TRAPPC9: variants seen among roughly 807,000 people sequenced by gnomAD.
The protein encoded by TRAPPC9 is trafficking protein particle complex subunit 9, also known as IKK2 binding protein.
TRAPPC9 carries 83 observed loss-of-function variants against 124.0 expected under a neutral mutation model. That is an observed-to-expected ratio of 0.67 (90% CI 0.56 to 0.80). The LOEUF (loss-of-function observed/expected upper bound fraction) is 0.80, where lower values mean the gene tolerates loss of function less well. Ranked by LOEUF, TRAPPC9 falls within the 30% of genes least tolerant of loss-of-function variation. The pLI, the probability that TRAPPC9 is intolerant of heterozygous loss-of-function variation, is 0.00. For synonymous variants in TRAPPC9, 638 were observed against 617.5 expected (o/e 1.03, Z -0.49); for missense variants, 1,302 against 1,508.3 (o/e 0.86, Z 2.27).
chr8:140,294,272 A>T (rs1315154481), intron 11 of TRAPPC9, among the ~76,000 whole-genome samples: 3 of 151,246 alleles, frequency 2.0e-5, no homozygotes, highest in African/African-American at 7.3e-5. Flanking sequence ...AGCTCACCCG[A>T]CCTCCTCATT....
chr8:140,056,975 CTAAATAA>C (rs1420536570), intron 17 of TRAPPC9, among the ~76,000 whole-genome samples: 3 of 152,022 alleles, frequency 2.0e-5, no homozygotes, highest in East Asian at 1.9e-4. Context: ...CTGTAGTTAA[CTAAATAA>C]TAAATAATAA....
rs140998205 is a variant in TRAPPC9 at position 139,869,790 on chromosome 8, G to GT, written c.3055+16088dup. Among the ~76,000 whole-genome samples the GT allele has an allele frequency of 5.3e-4, 81 of 152,178 alleles. 2 individuals carry two copies. The East Asian group carries it at 0.014, about 27-fold the overall frequency. On this transcript the variant is annotated intron_variant, in intron 21 of 22. Coordinates refer to ENST00000438773, the MANE Select transcript of TRAPPC9 (RefSeq NM_001160372.4). ...CAAAACAAAGTAATTACCATAGGAA[G>GT]TTTTTTTAAAAACTATCTTTTAACT...
chr8:140,164,130 G>A lies in TRAPPC9; in HGVS notation c.2556+57329C>T, dbSNP rs193175017. Among the ~76,000 whole-genome samples, 202 of 152,252 alleles carry A rather than the reference G, an allele frequency of 1.3e-3. 1 individual carries two copies. The highest frequency in any genetic ancestry group is 5.0e-3 in the Admixed American group (77 of 15,302). On this transcript the variant is annotated intron_variant, in intron 17 of 22. Transcript: ENST00000438773. ...AGCGACCACCCCCACAAGCCAGGGCGGCTCCAGGCAGTGGGGACACGGAGA... is the reference window on the plus strand; with the variant it reads ...AGCGACCACCCCCACAAGCCAGGGCAGCTCCAGGCAGTGGGGACACGGAGA...
In TRAPPC9 at chr8:139,996,528, A is replaced by C. The variant is rs181548462; in HGVS notation, c.2700-7692T>G. ...GATTAACAGATTATCCAATGGAAAC[A>C]ACAGGGGAAAATAAAACAGAAAAAA... On this transcript the variant is annotated intron_variant, in intron 18 of 22. Coordinates refer to ENST00000438773, the MANE Select transcript of TRAPPC9 (RefSeq NM_001160372.4). Among the ~76,000 whole-genome samples, 8 of 152,190 alleles carry C rather than the reference A, an allele frequency of 5.3e-5. No homozygotes were observed. In the East Asian group the frequency reaches 1.5e-3, roughly 29 times the overall value.
chr8:140,231,678 T>TG (rs2063601687), intron 16 of TRAPPC9, among the ~76,000 whole-genome samples: 1 of 147,850 alleles, frequency 6.8e-6, no homozygotes, highest in Non-Finnish European at 1.5e-5. Flanking sequence ...TTTTTTTTTT[T>TG]GTATTTTTAG....
chr8:140,375,892 C>T (rs554382500), intron 7 of TRAPPC9, among the ~76,000 whole-genome samples: 13 of 152,248 alleles, frequency 8.5e-5, no homozygotes, highest in Non-Finnish European at 1.6e-4. Flanking sequence ...TGGGAGAATG[C>T]CGGATGGGAA....
intron 17 of TRAPPC9, among the ~76,000 whole-genome samples, chr8:140,142,326 T>TG (rs1457497000): frequency 5.9e-5 from 9 of 152,270 alleles, no homozygotes; most frequent in Admixed American, 2.6e-4. Context: ...TGACATCTGA[T>TG]GACCTTCCTC....
chr8:139,811,600 AGC>A (rs1267332331), intron 21 of TRAPPC9, among the ~76,000 whole-genome samples: 1 of 152,222 alleles, frequency 6.6e-6, no homozygotes, highest in Non-Finnish European at 1.5e-5. Context: ...AAGGATCAGG[AGC>A]TCGGAATCTG....
chr8:140,207,876 G>A (rs764301280), intron 17 of TRAPPC9, among the ~76,000 whole-genome samples: 2 of 152,158 alleles, frequency 1.3e-5, no homozygotes, highest in Non-Finnish European at 2.9e-5. Flanking sequence ...TCTCAGGCTG[G>A]GCACAGTGGC....
In TRAPPC9 at chr8:140,320,368, T is replaced by C. The variant is rs1024606877; in HGVS notation, c.1496-8994A>G. Among the ~76,000 whole-genome samples the C allele has an allele frequency of 5.9e-5, 9 of 152,296 alleles. No homozygotes were observed. In the East Asian group the frequency reaches 9.6e-4, roughly 16 times the overall value. ...CCAACACAGGCTATGTTGAAGGACA[T>C]GACCTAAGGTTTTTTAGAAACTGAA... On this transcript the variant is annotated intron_variant, in intron 9 of 22. Coordinates refer to ENST00000438773, the MANE Select transcript of TRAPPC9 (RefSeq NM_001160372.4).
chr8:139,786,359 C>T (rs1375964879), intron 21 of TRAPPC9, among the ~76,000 whole-genome samples: 4 of 152,270 alleles, frequency 2.6e-5, no homozygotes, highest in Non-Finnish European at 2.9e-5. Context: ...CAGCGAGACG[C>T]GAATTCACTA....
Position 140,439,076 on chromosome 8 carries a change from C to A in TRAPPC9, c.706G>T (p.Val236Leu), listed in dbSNP as rs1441492339. The A allele has an allele frequency of 2.5e-6, 4 of 1,614,210 alleles. No homozygotes were observed. The highest frequency in any genetic ancestry group is 3.4e-6 in the Non-Finnish European group (4 of 1,180,032). The change falls in exon 3 of 23, where the codon GTG becomes TTG. Residue 236 changes from valine (V) to leucine (L), a missense_variant. Val to Leu is a conservative substitution (Grantham distance 32, BLOSUM62 1). Transcript: ENST00000438773. ...CCTCCAAGCCACAGAAAGTCATTCA[C>A]AGAACGCAGCAGCTCCACCGACATG... Reference protein sequence around the residue: ...YHMSVELLRSVNDFLWLGAAL... With the variant: ...YHMSVELLRSLNDFLWLGAAL...
At chr8:139,763,790 G>A (rs968090285) in intron 21 of TRAPPC9, among the ~76,000 whole-genome samples, 30 of 152,242 alleles carry the variant, frequency 2.0e-4, no homozygotes, top group African/African-American at 7.0e-4. Flanking sequence ...GGTCGAAGCT[G>A]TACAAGCTAA....
chr8:139,978,382 C>T (rs1587395714), intron 19 of TRAPPC9, among the ~76,000 whole-genome samples: 1 of 152,250 alleles, frequency 6.6e-6, no homozygotes, highest in East Asian at 1.9e-4. Context: ...GAAATTTAAA[C>T]ACCGGCTGGG....
intron 4 of TRAPPC9, among the ~76,000 whole-genome samples, chr8:140,433,846 T>G (rs1484726519): frequency 6.6e-6 from 1 of 152,188 alleles, no homozygotes; most frequent in Non-Finnish European, 1.5e-5. Flanking sequence ...AGGAAAACCC[T>G]AACTTTCCAT....
intron 21 of TRAPPC9, among the ~76,000 whole-genome samples, chr8:139,804,720 G>C (rs9771705): frequency 0.69 from 64,407 of 93,604 alleles, 20,623 homozygotes; most frequent in South Asian, 0.72. Context: ...CCCACCACCG[G>C]CACCAAGCAC....
chr8:140,143,317 C>T (rs796623423), intron 17 of TRAPPC9, among the ~76,000 whole-genome samples: 10 of 152,340 alleles, frequency 6.6e-5, no homozygotes, highest in African/African-American at 2.4e-4. Context: ...TTCAGCTGCA[C>T]TGCCCACTTC....
chr8:140,290,992 C>A lies in TRAPPC9; in HGVS notation c.1854+1G>T. The A allele has an allele frequency of 6.2e-7, 1 of 1,613,784 alleles. No homozygotes were observed. The highest frequency in any genetic ancestry group is 8.5e-7 in the Non-Finnish European group (1 of 1,179,696). ...AAGGTCAAATGATTGGTGATACATA[C>A]CATGTTTTCAACTCGAAGTTCAAAC... On this transcript the variant is annotated splice_donor_variant, in intron 12 of 22. Coordinates refer to ENST00000438773, the MANE Select transcript of TRAPPC9 (RefSeq NM_001160372.4). LOFTEE classifies it high-confidence loss of function.
At chr8:139,801,509 G>A (rs1298594780) in intron 21 of TRAPPC9, among the ~76,000 whole-genome samples, 2 of 152,142 alleles carry the variant, frequency 1.3e-5, no homozygotes, top group Admixed American at 6.5e-5. Context: ...CTCCTGCCCC[G>A]CCCCCCTTCC....
Sources: allele counts gnomAD v4.1 joint callset (sites outside exome capture counted in the v4.1 genomes callset), GRCh38; gene constraint gnomAD v4.1.1; transcripts MANE v1.5; gene names NCBI Gene and HGNC (gene_info 2026-07-23, HGNC 2026-07-21).